The following OFD1 variants were observed in gnomAD, a reference collection of about 807,000 sequenced individuals.
OFD1 encodes OFD1 centriole and centriolar satellite protein.
In OFD1, 12 loss-of-function variants were observed where a neutral mutation model predicts 81.4. The ratio of observed to expected loss-of-function variants is 0.15; its 90% CI spans 0.09 to 0.24. The LOEUF (loss-of-function observed/expected upper bound fraction) is 0.24, where lower values mean the gene tolerates loss of function less well. Among genes scored for constraint, OFD1 ranks in the 10% least tolerant of loss-of-function variants. OFD1 has a pLI of 1.00. For synonymous variants in OFD1, 256 were observed against 263.7 expected (o/e 0.97, Z 0.28); for missense variants, 685 against 733.9 (o/e 0.93, Z 0.77).
chrX:13,749,005 G>A (rs1243936069), intron 8 of OFD1, among the ~76,000 whole-genome samples: 3 of 108,476 alleles, frequency 2.8e-5, no homozygotes, highest in Non-Finnish European at 3.8e-5. Context: ...TGTAGTGCCT[G>A]CAGCTACTCG....
At position 13,734,836 on chromosome X, in the gene OFD1, C is replaced by T; in HGVS notation, c.-236C>T. The T allele has an allele frequency of 9.2e-7, 1 of 1,082,346 alleles. No individual in the cohort carries two copies. The highest frequency in any genetic ancestry group is 1.2e-6 in the Non-Finnish European group (1 of 839,431). The allele number at this position is 1,082,346 out of a possible 1,213,427, so 89.2% of individuals were successfully genotyped here. Reference sequence around the variant, plus strand: ...AGCCGCCTTTGAGTCGTGCCTGGGTCCTCGCCCTTGCCTCAGAACCGCGAA... The same window carrying T: ...AGCCGCCTTTGAGTCGTGCCTGGGTTCTCGCCCTTGCCTCAGAACCGCGAA... On this transcript the variant is annotated 5_prime_UTR_variant, in exon 1 of 23. Transcript: ENST00000340096.
chrX:13,755,832 T>G (rs1259326830), intron 12 of OFD1, among the ~76,000 whole-genome samples: 1 of 111,774 alleles, frequency 8.9e-6, no homozygotes, highest in Admixed American at 9.5e-5. Flanking sequence ...GAAATTTATT[T>G]TAGCAACTGT....
downstream of OFD1, among the ~76,000 whole-genome samples, chrX:13,769,935 AG>A (rs1394331385): frequency 8.9e-6 from 1 of 112,275 alleles, no homozygotes; most frequent in Non-Finnish European, 1.9e-5. Context: ...ACCCAGTCTA[AG>A]GTATTTTGCT....
Position 13,746,966 on chromosome X carries a change from A to G in OFD1, c.828+13A>G, listed in dbSNP as rs1367343776. 8.3e-7 allele frequency: 1 copy of G among 1,199,268 alleles called. No homozygotes were observed. Among genetic ancestry groups the G allele is most frequent in the South Asian group, 1.8e-5 (1 of 56,717 alleles). On this transcript the variant is annotated intron_variant, in intron 8 of 22. Transcript: ENST00000340096. ...CAAGCACCAAGAGGTGGTATTTACA[A>G]ATATTTTATGGGTGGCTATTTCCTG...
At chrX:13,736,775 A>G (rs1185369069) in intron 3 of OFD1, 97 bp downstream of exon 3, 2 of 616,523 alleles carry the variant, frequency 3.2e-6, no homozygotes, top group Admixed American at 2.6e-5. Flanking sequence ...CTCCTCGACT[A>G]GGTCCATTTC....
At chrX:13,768,380 ATATAC>A (rs2048211317) in intron 21 of OFD1, among the ~76,000 whole-genome samples, 156 bp downstream of exon 21, 2 of 112,635 alleles carry the variant, frequency 1.8e-5, no homozygotes, top group Admixed American at 9.4e-5. Context: ...AGTCTTTTAA[ATATAC>A]TATTCTTTTG....
At chrX:13,737,925 C>T (rs1361959047) in intron 3 of OFD1, among the ~76,000 whole-genome samples, 2 of 111,523 alleles carry the variant, frequency 1.8e-5, no homozygotes, top group African/African-American at 6.5e-5. Context: ...TCTTGGCTCA[C>T]TGCAACCTCT....
At chrX:13,718,766 A>C in the OFD1 span, among the ~76,000 whole-genome samples, 10 of 112,277 alleles carry the variant, frequency 8.9e-5, no homozygotes, top group Non-Finnish European at 1.9e-4. Context: ...AGGACATTAA[A>C]GCCAATTTTT....
chrX:13,718,890 T>C, the OFD1 span, among the ~76,000 whole-genome samples: 1 of 111,676 alleles, frequency 9.0e-6, no homozygotes, highest in Non-Finnish European at 1.9e-5. Flanking sequence ...GTGTAGTGGC[T>C]CATGTCTGCA....
intron 6 of OFD1, among the ~76,000 whole-genome samples, chrX:13,745,311 A>G (rs2047251335): frequency 8.9e-6 from 1 of 112,718 alleles, no homozygotes; most frequent in African/African-American, 3.2e-5. Flanking sequence ...ACGTTGAAAA[A>G]AGTAAAAAGA....
chrX:13,752,746 CAT>C, intron 10 of OFD1: 1 of 972,087 alleles, frequency 1.0e-6, no homozygotes. Flanking sequence ...TGGGAATCCT[CAT>C]ATGACTTTGG....
rs2048204514 is a variant in OFD1 at position 13,768,221 on chromosome X, T to A, written c.2925T>A (p.Asp975Glu). The change falls in exon 21 of 23, where the codon GAT becomes GAA. Residue 975 changes from aspartate to glutamate, a missense_variant. By Grantham distance (45) the Asp-to-Glu change is conservative. Coordinates refer to ENST00000340096, the MANE Select transcript of OFD1 (RefSeq NM_003611.3). The stretch of plus-strand genomic sequence containing the variant: ...AGGAGCAAGACCAGGAGTCGGCAGA[T>A]AAGGTGCCAGTGCCATGGGCAGGGC... ...IQQEQDQESA[D>E]KSSKKMVQEG... 1 of 1,203,495 alleles carries A rather than the reference T, an allele frequency of 8.3e-7. No homozygotes were observed. The highest frequency in any genetic ancestry group is 1.8e-5 in the South Asian group (1 of 56,726).
rs2048168113 is a variant in OFD1 at position 13,767,341 on chromosome X, G to A, written c.2757+57G>A. The A allele has an allele frequency of 3.6e-5, 41 of 1,147,018 alleles. No homozygotes were observed. The South Asian group carries it at 7.3e-4, about 20-fold the overall frequency. 94.5% of individuals were successfully genotyped at this position (1,147,018 alleles called of 1,213,427 possible). A position where few individuals can be genotyped will look rare whatever the true frequency, so the allele number is the denominator to read the frequency against. On this transcript the variant is annotated intron_variant, in intron 20 of 22. Coordinates refer to ENST00000340096, the MANE Select transcript of OFD1 (RefSeq NM_003611.3). The stretch of plus-strand genomic sequence containing the variant: ...TTGCTCCATTGTACACCTTTCGTAA[G>A]TACATTGAGCTCAGGGAGGGGAGTC...
At chrX:13,750,758 C>T (rs1024675003) in intron 9 of OFD1, among the ~76,000 whole-genome samples, 1 of 112,073 alleles carries the variant, frequency 8.9e-6, no homozygotes, top group African/African-American at 3.2e-5. Flanking sequence ...ATTATAGGTG[C>T]GGGCCACCAC....
the OFD1 span, chrX:13,722,208 C>CAGAAAAAAAAAAAAAAAAAAAAAAAAAAA: frequency 2.8e-5 from 1 of 36,116 alleles, no homozygotes; most frequent in Admixed American, 2.7e-4. Flanking sequence ...TAAGCAGCAG[C>CAGAAAAAAAAAAAAAAAAAAAAAAAAAAA]AAAAAAAAAA....
rs746300545 is a variant in OFD1 at position 13,760,628 on chromosome X, C to G, written c.2168C>G (p.Ser723Trp). The change falls in exon 16 of 23, where the codon TCG (serine) becomes TGG (tryptophan). Residue 723 changes from serine to tryptophan, a missense_variant. Ser to Trp is a radical substitution (Grantham distance 177). Around this residue, in one of 3 missense-constraint regions of OFD1, gnomAD observed 259 missense variants for 254.4 expected, o/e 1.02. Coordinates refer to ENST00000340096, the MANE Select transcript of OFD1 (RefSeq NM_003611.3). ...VVEALTGSAA[S>W]RLRGGTSSRR... ...GAAGCACTGACAGGCAGTGCAGCCT[C>G]GAGGCTCCGCGGGGGCACTTCCTCC... 5.8e-6 allele frequency: 7 copies of G among 1,211,265 alleles called. No homozygotes were observed. Among genetic ancestry groups the G allele is most frequent in the Non-Finnish European group, 5.6e-6 (5 of 895,164 alleles).
At chrX:13,757,591 TGTTAA>T (rs928738247) in intron 13 of OFD1, 64 bp from the exon 14 acceptor site, 6 of 1,113,801 alleles carry the variant, frequency 5.4e-6, no homozygotes, top group Non-Finnish European at 7.3e-6. Flanking sequence ...TAACTGTTTT[TGTTAA>T]GTTAAATAAG....
At chrX:13,749,284 C>T (rs2047415686) in intron 8 of OFD1, 143 bp from the exon 9 acceptor site, 2 of 467,523 alleles carry the variant, frequency 4.3e-6, no homozygotes, top group Non-Finnish European at 7.7e-6. Context: ...AAAAGTATAC[C>T]TTGAGTCGGA....
downstream of OFD1, chrX:13,771,253 C>CTCTTCTA (rs1382468565): frequency 3.6e-5 from 4 of 111,547 alleles, no homozygotes; most frequent in East Asian, 1.1e-3. Flanking sequence ...TAGACACTGC[C>CTCTTCTA]TCTTCTAGAA....
Sources: gnomAD v4.1 joint callset for allele counts (sites outside exome capture counted in the v4.1 genomes callset) on GRCh38, gnomAD v4.1.1 for gene constraint, gnomAD v4.1.1 regional missense constraint, MANE v1.5 for transcripts, NCBI Gene and HGNC (gene_info 2026-07-23, HGNC 2026-07-21) for gene names.